ARHGAP6: variants seen among roughly 807,000 people sequenced by gnomAD.
The protein encoded by ARHGAP6 is Rho GTPase activating protein 6.
In ARHGAP6, 16 loss-of-function variants were observed where a neutral mutation model predicts 55.7. That is an observed-to-expected ratio of 0.29 (90% confidence interval 0.19 to 0.44). The LOEUF (loss-of-function observed/expected upper bound fraction) is 0.44. ARHGAP6 is among the 20% of genes least tolerant of loss of function. The probability of loss-of-function intolerance (pLI) is 1.00; values close to 1 mark genes in which losing one functional copy is unlikely to be tolerated. For missense variants in ARHGAP6, 698 were observed against 808.9 expected (o/e 0.86, Z 1.66); for synonymous variants, 382 against 360.9 (o/e 1.06, Z -0.66).
intron 1 of ARHGAP6, among the ~76,000 whole-genome samples, chrX:11,569,798 A>G (rs2051490959): frequency 9.0e-6 from 1 of 111,594 alleles, no homozygotes; most frequent in South Asian, 3.7e-4. Flanking sequence ...AAACCACCCA[A>G]GGGGTCTCAG....
intron 1 of ARHGAP6, among the ~76,000 whole-genome samples, chrX:11,613,433 C>G (rs757582804): frequency 8.9e-6 from 1 of 112,039 alleles, no homozygotes; most frequent in Non-Finnish European, 1.9e-5. Flanking sequence ...AGGTTTCAGC[C>G]TTTTCTGAGA....
rs756215348 is a variant in ARHGAP6, at chrX:11,204,837, C to G, written c.749-7841G>C. Among the ~76,000 whole-genome samples, 4 of 111,920 alleles carry G rather than the reference C, an allele frequency of 3.6e-5. No homozygotes were observed. The East Asian group carries it at 1.1e-3, about 32-fold the overall frequency. ...AAAAACTCCTTTTGATTTGACCTTC[C>G]TCTTTGCTCTCACATCTCCATCTCC... On this transcript the variant is annotated intron_variant, in intron 2 of 12. Transcript: ENST00000337414.
intron 1 of ARHGAP6, among the ~76,000 whole-genome samples, chrX:11,279,607 T>C (rs773962927): frequency 1.8e-5 from 2 of 110,989 alleles, no homozygotes; most frequent in Admixed American, 9.6e-5. Context: ...CAGATATGCA[T>C]TATCCTCATC....
chrX:11,368,550 A>G (rs1603138965), intron 1 of ARHGAP6, among the ~76,000 whole-genome samples: 1 of 112,001 alleles, frequency 8.9e-6, no homozygotes, highest in Non-Finnish European at 1.9e-5. Context: ...TGCCTTAATT[A>G]TCACATTTGG....
chrX:11,309,384 A>T (rs765439376), intron 1 of ARHGAP6, among the ~76,000 whole-genome samples: 6 of 109,908 alleles, frequency 5.5e-5, no homozygotes, highest in African/African-American at 1.7e-4. Context: ...TCAAAGTGCT[A>T]GAGGAGCCGG....
At chrX:11,563,266 T>G (rs143909368) in intron 1 of ARHGAP6, among the ~76,000 whole-genome samples, 2,576 of 111,645 alleles carry the variant, frequency 0.023, 76 homozygotes, top group African/African-American at 0.079. Flanking sequence ...GAAGAAATTA[T>G]TTACCAACTG....
chrX:11,373,829 T>C (rs943754634), intron 1 of ARHGAP6, among the ~76,000 whole-genome samples: 2 of 111,790 alleles, frequency 1.8e-5, no homozygotes, highest in African/African-American at 6.5e-5. Flanking sequence ...AAATAAAACA[T>C]GGTGTTTGTA....
intron 1 of ARHGAP6, among the ~76,000 whole-genome samples, chrX:11,511,654 T>G (rs959439348): frequency 9.0e-6 from 1 of 111,619 alleles, no homozygotes; most frequent in Non-Finnish European, 1.9e-5. Context: ...CTGGACCCAT[T>G]GATATTTTGG....
At chrX:11,213,124 C>T (rs960458693) in intron 2 of ARHGAP6, among the ~76,000 whole-genome samples, 4 of 112,738 alleles carry the variant, frequency 3.5e-5, no homozygotes, top group African/African-American at 1.3e-4. Context: ...GAATCCTGTC[C>T]TGAGGAATGA....
At chrX:11,406,871 G>GTT (rs756584621) in intron 1 of ARHGAP6, among the ~76,000 whole-genome samples, 2 of 101,305 alleles carry the variant, frequency 2.0e-5, no homozygotes, top group East Asian at 3.1e-4. Flanking sequence ...TAAATGGGGA[G>GTT]TTTTTTTTTT....
intron 1 of ARHGAP6, among the ~76,000 whole-genome samples, chrX:11,400,532 G>T (rs772186320): frequency 9.7e-6 from 1 of 103,620 alleles, no homozygotes; most frequent in African/African-American, 3.6e-5. Context: ...TAAAAGCACT[G>T]TCGTTTACCT....
intron 1 of ARHGAP6, among the ~76,000 whole-genome samples, chrX:11,319,140 A>G (rs1374608236): frequency 2.7e-5 from 3 of 111,924 alleles, no homozygotes; most frequent in Non-Finnish European, 5.6e-5. Context: ...CTATATCTAT[A>G]TCTATATCTA....
chrX:11,618,648 AAAG>A (rs2052194546), intron 1 of ARHGAP6, among the ~76,000 whole-genome samples: 1 of 112,307 alleles, frequency 8.9e-6, no homozygotes, highest in South Asian at 3.7e-4. Context: ...CTAAAGAGAA[AAAG>A]AAGATAAAGT....
intron 1 of ARHGAP6, among the ~76,000 whole-genome samples, chrX:11,258,430 AG>A (rs1356098214): frequency 9.1e-6 from 1 of 110,311 alleles, no homozygotes; most frequent in Non-Finnish European, 1.9e-5. Flanking sequence ...TTATGTTTGC[AG>A]GGGGAGAAGG....
At chrX:11,333,478 C>T (rs2048588152) in intron 1 of ARHGAP6, among the ~76,000 whole-genome samples, 1 of 111,929 alleles carries the variant, frequency 8.9e-6, no homozygotes, top group East Asian at 2.8e-4. Flanking sequence ...TCAATTAAAC[C>T]TCTTTCCTTT....
At chrX:11,343,692 G>A (rs926148314) in intron 1 of ARHGAP6, among the ~76,000 whole-genome samples, 2 of 111,309 alleles carry the variant, frequency 1.8e-5, no homozygotes, top group East Asian at 2.8e-4. Context: ...AGATGAGGCC[G>A]GCAATCAGTA....
intron 1 of ARHGAP6, among the ~76,000 whole-genome samples, chrX:11,393,279 C>A (rs1245117451): frequency 9.2e-6 from 1 of 109,238 alleles, no homozygotes; most frequent in East Asian, 2.9e-4. Flanking sequence ...AAGCAAAAAC[C>A]AAAAACAGCA....
At chrX:11,580,363 G>T (rs1444741722) in intron 1 of ARHGAP6, among the ~76,000 whole-genome samples, 6 of 111,773 alleles carry the variant, frequency 5.4e-5, no homozygotes, top group Non-Finnish European at 1.1e-4. Context: ...TGAGACACGT[G>T]TTGGCCACTA....
intron 1 of ARHGAP6, chrX:11,299,006 T>A: frequency 1.7e-6 from 2 of 1,198,478 alleles, no homozygotes; most frequent in South Asian, 3.6e-5. Context: ...ACAATGCAAA[T>A]CCTGTGAAAA....
Sources: gnomAD v4.1 joint callset for allele counts (sites outside exome capture counted in the v4.1 genomes callset) on GRCh38, gnomAD v4.1.1 for gene constraint, MANE v1.5 for transcripts, NCBI Gene and HGNC (gene_info 2026-07-23, HGNC 2026-07-21) for gene names.